Variants in CAMK1 observed in about 807,000 individuals in gnomAD.
CAMK1 encodes the protein calcium/calmodulin-dependent protein kinase type 1.
A neutral mutation model predicts 49.1 loss-of-function variants in CAMK1; 39 were observed. The ratio of observed to expected loss-of-function variants is 0.79; its 90% confidence interval spans 0.62 to 1.04. CAMK1 has a LOEUF of 1.04. CAMK1 is among the 50% of genes least tolerant of loss of function. The probability of loss-of-function intolerance (pLI) is 0.00; values close to 1 mark genes in which losing one functional copy is unlikely to be tolerated. For missense variants in CAMK1, 457 were observed against 472.2 expected, an observed-to-expected ratio of 0.97 and a Z score of 0.30; for synonymous variants, 192 against 185.2, an observed-to-expected ratio of 1.04 and a Z score of -0.30.
chr3:9,759,821 C>G (rs759511692), intron 8 of CAMK1, 71 bp from the exon 9 acceptor site: 2 of 1,612,932 alleles, frequency 1.2e-6, no homozygotes, highest in Non-Finnish European at 1.7e-6. Context: ...AGAGCATACC[C>G]ACTCCCTCAG....
intron 7 of CAMK1, 29 bp downstream of exon 7, chr3:9,761,432 A>C: frequency 3.8e-6 from 6 of 1,591,618 alleles, no homozygotes; most frequent in Non-Finnish European, 5.1e-6. Flanking sequence ...CTCTGGAGCC[A>C]CAGCCTACCA....
intron 8 of CAMK1, chr3:9,760,256 A>AG (rs2077788458): frequency 1.1e-5 from 2 of 185,608 alleles, no homozygotes; most frequent in Non-Finnish European, 2.3e-5. Flanking sequence ...AAAGAAAGAA[A>AG]AAAAAAAAAA....
rs1214164611 is a variant in CAMK1, at chr3:9,757,747, G to C, written c.1012C>G (p.Leu338Val). The stretch of plus-strand genomic sequence containing the variant: ...TCCTCACCCCCAGCCACTGGTGTCA[G>C]CAGCTCCCCATGGCTCGCCGTCTGC... ...QGQTASHGELLTPVAGGPAAG... is the reference protein window; with the variant it reads ...QGQTASHGELVTPVAGGPAAG... Residue 338 changes from leucine (L) to valine (V), a missense_variant, in exon 11 of 12, where the codon CTG becomes GTG. By Grantham distance (32) the Leu-to-Val change is conservative (BLOSUM62 1). Coordinates refer to ENST00000256460, the MANE Select transcript of CAMK1 (RefSeq NM_003656.5). This position sits in a 1 kb window ranked among gnomAD's most constrained non-coding sequence, Gnocchi z 4.5. 6.2e-7 allele frequency: 1 copy of C among 1,614,176 alleles called. No individual in the cohort carries two copies.
intron 2 of CAMK1, among the ~76,000 whole-genome samples, chr3:9,766,899 C>T (rs956183170): frequency 1.3e-5 from 2 of 152,118 alleles, no homozygotes; most frequent in Non-Finnish European, 2.9e-5. Context: ...AAGTGTCTCC[C>T]GGTGGCCTAT....
chr3:9,761,779 G>T (rs780373289), intron 5 of CAMK1, 22 bp from the exon 6 acceptor site: 1 of 1,613,662 alleles, frequency 6.2e-7, no homozygotes, highest in South Asian at 1.1e-5. Context: ...GGAGGGAAGA[G>T]AAGGGGCAAT....
At chr3:9,763,621 C>A (rs2077999111) in intron 3 of CAMK1, among the ~76,000 whole-genome samples, 1 of 152,148 alleles carries the variant, frequency 6.6e-6, no homozygotes, top group Non-Finnish European at 1.5e-5. Flanking sequence ...CCAAATCCTG[C>A]CCGTCACATG....
At chr3:9,765,680 G>T in intron 3 of CAMK1, 79 bp downstream of exon 3, 1 of 1,512,682 alleles carries the variant, frequency 6.6e-7, no homozygotes, top group Non-Finnish European at 9.0e-7. Flanking sequence ...TAAATGATTT[G>T]TCCAAAGCAG....
Position 9,761,767 on chromosome 3 carries a change from C to A in CAMK1, c.430-10G>T. ...ACAGCAGATTCTCTGGCTTGAAGGGCAGGAGGGAAGAGAAGGGGCAATCAG... is the reference window on the plus strand; with the variant it reads ...ACAGCAGATTCTCTGGCTTGAAGGGAAGGAGGGAAGAGAAGGGGCAATCAG... On this transcript the variant is annotated splice_polypyrimidine_tract_variant and intron_variant, in intron 5 of 11. Coordinates refer to ENST00000256460, the MANE Select transcript of CAMK1 (RefSeq NM_003656.5). The A allele has an allele frequency of 6.2e-7, 1 of 1,613,746 alleles. No homozygotes were observed. Among genetic ancestry groups the A allele is most frequent in the East Asian group, 2.2e-5 (1 of 44,870 alleles).
chr3:9,764,235 G>A (rs1389566275), intron 3 of CAMK1, among the ~76,000 whole-genome samples: 1 of 152,222 alleles, frequency 6.6e-6, no homozygotes, highest in African/African-American at 2.4e-5. Flanking sequence ...CAGGTAAGGT[G>A]CTTGGCACAG....
chr3:9,764,639 T>G lies in CAMK1; in HGVS notation c.215+1120A>C, dbSNP rs1287837809. ...TTTGTTTTTTTTTTGTTTTTTTTTTTTTTTTTGAGATGGAGTTTTGCTCTT... is the reference window on the plus strand; with the variant it reads ...TTTGTTTTTTTTTTGTTTTTTTTTTGTTTTTTGAGATGGAGTTTTGCTCTT... On this transcript the variant is annotated intron_variant, in intron 3 of 11. Transcript: ENST00000256460. Among the ~76,000 whole-genome samples the G allele has an allele frequency of 5.4e-5, 8 of 148,586 alleles. 1 individual carries two copies. Among genetic ancestry groups the G allele is most frequent in the Admixed American group, 2.0e-4 (3 of 14,888 alleles).
At chr3:9,763,508 G>A (rs748650866) in intron 3 of CAMK1, among the ~76,000 whole-genome samples, 93 of 151,668 alleles carry the variant, frequency 6.1e-4, no homozygotes, top group African/African-American at 6.8e-4. Flanking sequence ...CAAGGATCTC[G>A]TCCCCAAAGG....
rs200156536 is a variant in CAMK1, at chr3:9,757,818, C to T, written c.941G>A (p.Arg314Gln). ...GCCCAGCTGCAGTTTCCTCATGTGCCGCACCACAGCCGTGGCATTGAAGGC... is the reference window on the plus strand; with the variant it reads ...GCCCAGCTGCAGTTTCCTCATGTGCTGCACCACAGCCGTGGCATTGAAGGC... ...KQAFNATAVVRHMRKLQLGTS... is the reference protein window; with the variant it reads ...KQAFNATAVVQHMRKLQLGTS... The change falls in exon 11 of 12, where the codon CGG becomes CAG. Residue 314 changes from arginine to glutamine, a missense_variant. By Grantham distance (43) the Arg-to-Gln change is conservative. Transcript: ENST00000256460. This position sits in a 1 kb window ranked among gnomAD's most constrained non-coding sequence, Gnocchi z 4.5. The T allele has an allele frequency of 2.0e-5, 32 of 1,611,184 alleles. No individual in the cohort carries two copies. Among genetic ancestry groups the T allele is most frequent in the South Asian group, 1.6e-4 (15 of 90,996 alleles).
intron 10 of CAMK1, 191 bp from the exon 11 acceptor site, chr3:9,758,037 T>C (rs2077668981): frequency 7.7e-6 from 6 of 778,928 alleles, no homozygotes; most frequent in Non-Finnish European, 1.2e-5. Flanking sequence ...CACACGCACA[T>C]ATGTTAGATG....
At chr3:9,766,042 T>C (rs753397762) in intron 2 of CAMK1, 152 bp from the exon 3 acceptor site, 1 of 1,605,400 alleles carries the variant, frequency 6.2e-7, no homozygotes, top group Non-Finnish European at 8.5e-7. Context: ...GCTCCAGAGA[T>C]GGTCACATGA....
rs1183608936 is a variant in CAMK1 at position 9,765,845 on chromosome 3, C to T, written c.129G>A (p.Gln43=). ...EVILAEDKRT[Q]KLVAIKCIAK... ...CAATGCATTTGATGGCCACCAGCTT[C>T]TGCGTCCTCTTATCTTCTGCCAGGA... Residue 43 remains glutamine (Q), a synonymous_variant, in exon 3 of 12, where the codon CAG becomes CAA. Transcript: ENST00000256460. 1 of 1,614,052 alleles carries T rather than the reference C, an allele frequency of 6.2e-7. No homozygotes were observed. The highest frequency in any genetic ancestry group is 1.1e-5 in the South Asian group (1 of 91,082).
At chr3:9,762,826 G>T in intron 5 of CAMK1, 88 bp downstream of exon 5, 3 of 1,341,570 alleles carry the variant, frequency 2.2e-6, no homozygotes, top group East Asian at 2.3e-5. Context: ...CAGTGAGGGG[G>T]TGAAAGTTGC....
intron 8 of CAMK1, chr3:9,760,320 T>C (rs2077793709): frequency 3.8e-6 from 1 of 259,802 alleles, no homozygotes; most frequent in Non-Finnish European, 7.6e-6. Flanking sequence ...CGATAGTAGC[T>C]TCACAGGTTT....
rs1326823696 is a variant in CAMK1, at chr3:9,757,537, C to T, written c.*2G>A. On this transcript the variant is annotated 3_prime_UTR_variant, in exon 12 of 12. Coordinates refer to ENST00000256460, the MANE Select transcript of CAMK1 (RefSeq NM_003656.5). This position sits in a 1 kb window ranked among gnomAD's most constrained non-coding sequence, Gnocchi z 4.5. ...GAGGATCATGACCCGAGGTCCAGGG[C>T]CCTAGAGCTGGTGGGGCAGTGTGGG... The T allele has an allele frequency of 1.2e-6, 2 of 1,612,870 alleles. No homozygotes were observed. Among genetic ancestry groups the T allele is most frequent in the East Asian group, 2.2e-5 (1 of 44,864 alleles).
At chr3:9,762,662 G>A (rs1275221351) in intron 5 of CAMK1, among the ~76,000 whole-genome samples, 1 of 152,112 alleles carries the variant, frequency 6.6e-6, no homozygotes, top group African/African-American at 2.4e-5. Flanking sequence ...ATCCTGTCTG[G>A]CCAGATTTTT....
Sources: gnomAD v4.1 joint callset for allele counts (sites outside exome capture counted in the v4.1 genomes callset) on GRCh38, gnomAD v4.1.1 for gene constraint, Gnocchi (gnomAD v3.1) non-coding constraint, MANE v1.5 for transcripts, NCBI Gene and HGNC (gene_info 2026-07-23, HGNC 2026-07-21) for gene names.